Variants in PDE4B observed in about 807,000 individuals in gnomAD.
PDE4B encodes 3',5'-cyclic-AMP phosphodiesterase 4B.
In PDE4B, 20 loss-of-function variants were observed where a neutral mutation model predicts 82.2. The ratio of observed to expected loss-of-function variants is 0.24; its 90% CI spans 0.17 to 0.35. PDE4B has a LOEUF of 0.35. PDE4B is among the 10% of genes least tolerant of loss of function. The pLI is 1.00. For missense variants in PDE4B, 655 were observed against 907.2 expected (o/e 0.72, Z 3.57); for synonymous variants, 320 against 318.9 (o/e 1.00, Z -0.04).
intron 3 of PDE4B, among the ~76,000 whole-genome samples, chr1:66,095,150 C>T (rs1248660035): frequency 6.7e-6 from 1 of 149,446 alleles, no homozygotes; most frequent in Admixed American, 6.6e-5. Context: ...TTAAACTCCA[C>T]TTTGAGAGGT....
intron 3 of PDE4B, among the ~76,000 whole-genome samples, chr1:66,170,760 G>A (rs1258784235): frequency 6.6e-6 from 1 of 152,104 alleles, no homozygotes; most frequent in Non-Finnish European, 1.5e-5. Context: ...GATTAACACA[G>A]CAAAAACATG....
chr1:66,054,534 A>G (rs745661301), intron 3 of PDE4B, among the ~76,000 whole-genome samples: 2 of 151,468 alleles, frequency 1.3e-5, no homozygotes, highest in Non-Finnish European at 3.0e-5. Flanking sequence ...AGTAGATCTC[A>G]TGCTTTCATT....
chr1:66,158,913 A>C (rs1217154927), intron 3 of PDE4B, among the ~76,000 whole-genome samples: 1 of 152,236 alleles, frequency 6.6e-6, no homozygotes, highest in Non-Finnish European at 1.5e-5. Flanking sequence ...AGTAGAGATT[A>C]GAATAGTGGT....
chr1:66,298,940 G>C (rs1240997194), intron 7 of PDE4B, among the ~76,000 whole-genome samples: 1 of 152,026 alleles, frequency 6.6e-6, no homozygotes, highest in African/African-American at 2.4e-5. Flanking sequence ...AAAGGAAAAA[G>C]TTTAGTTGAC....
intron 3 of PDE4B, among the ~76,000 whole-genome samples, chr1:66,086,131 C>T (rs1010958473): frequency 6.8e-4 from 96 of 141,428 alleles, no homozygotes; most frequent in African/African-American, 2.0e-3. Context: ...CTCTCCACTC[C>T]GATGGGAAAA....
At chr1:65,961,075 G>C (rs945037740) in intron 3 of PDE4B, among the ~76,000 whole-genome samples, 1 of 152,136 alleles carries the variant, frequency 6.6e-6, no homozygotes, top group South Asian at 2.1e-4. Flanking sequence ...ACCTTTGCCC[G>C]TGGAGCTTGT....
At chr1:65,937,028 C>G (rs1569748587) in intron 3 of PDE4B, among the ~76,000 whole-genome samples, 1 of 152,156 alleles carries the variant, frequency 6.6e-6, no homozygotes, top group Admixed American at 6.5e-5. Flanking sequence ...AGGCAGGAGT[C>G]TTCTTTCAGG....
intron 3 of PDE4B, among the ~76,000 whole-genome samples, chr1:66,054,382 C>T (rs1557527688): frequency 1.3e-5 from 2 of 151,898 alleles, no homozygotes; most frequent in African/African-American, 2.4e-5. Context: ...TATCCATACA[C>T]CCATGTAACA....
At chr1:66,211,791 G>A (rs985470615) in intron 3 of PDE4B, among the ~76,000 whole-genome samples, 1 of 152,222 alleles carries the variant, frequency 6.6e-6, no homozygotes, top group Non-Finnish European at 1.5e-5. Context: ...GATGTTTTCA[G>A]TGTATCATAG....
chr1:65,842,307 T>G (rs4272595), intron 1 of PDE4B, among the ~76,000 whole-genome samples: 104,521 of 151,944 alleles, frequency 0.69, 36,183 homozygotes, highest in Non-Finnish European at 0.71. Context: ...TTATAGTGTT[T>G]TTATTCAGTA....
At chr1:65,889,348 A>T (rs186767110) in intron 1 of PDE4B, among the ~76,000 whole-genome samples, 4 of 152,054 alleles carry the variant, frequency 2.6e-5, no homozygotes, top group African/African-American at 9.6e-5. Flanking sequence ...TGTTTTGTTG[A>T]GGATTTATGT....
intron 1 of PDE4B, among the ~76,000 whole-genome samples, chr1:65,873,884 T>G (rs958611971): frequency 6.6e-6 from 1 of 152,116 alleles, no homozygotes; most frequent in Non-Finnish European, 1.5e-5. Context: ...GGCTTAGGAT[T>G]GACTTGGTGA....
chr1:65,883,947 G>A, intron 1 of PDE4B, among the ~76,000 whole-genome samples: 1 of 151,990 alleles, frequency 6.6e-6, no homozygotes, highest in Non-Finnish European at 1.5e-5. Flanking sequence ...CTGTTTATAT[G>A]CTGGATTACA....
At chr1:66,178,193 A>T (rs772874090) in intron 3 of PDE4B, among the ~76,000 whole-genome samples, 3 of 152,056 alleles carry the variant, frequency 2.0e-5, no homozygotes, top group Non-Finnish European at 2.9e-5. Context: ...ATAAACAAAA[A>T]TTTATTATAT....
At chr1:66,318,693 A>G (rs187271600) in intron 7 of PDE4B, among the ~76,000 whole-genome samples, 1 of 152,350 alleles carries the variant, frequency 6.6e-6, no homozygotes, top group Non-Finnish European at 1.5e-5. Flanking sequence ...AAAAAGAAAC[A>G]GGTGTAATTA....
At chr1:65,898,271 G>T (rs187141177) in intron 1 of PDE4B, among the ~76,000 whole-genome samples, 2 of 150,984 alleles carry the variant, frequency 1.3e-5, no homozygotes, top group African/African-American at 2.4e-5. Context: ...CTTCCATTTT[G>T]TGGGGTTTCT....
chr1:65,917,411 G>C (rs1037447051), intron 2 of PDE4B, among the ~76,000 whole-genome samples: 2 of 152,194 alleles, frequency 1.3e-5, no homozygotes, highest in Non-Finnish European at 2.9e-5. Context: ...ACTGTAGCCT[G>C]ATGCTAGGAC....
At chr1:65,997,695 G>A (rs1651628576) in intron 3 of PDE4B, among the ~76,000 whole-genome samples, 1 of 152,162 alleles carries the variant, frequency 6.6e-6, no homozygotes, top group Non-Finnish European at 1.5e-5. Context: ...GAACAAAACA[G>A]TTGTTAAGAG....
chr1:66,355,199 A>G (rs865978065), intron 8 of PDE4B: 1 of 361,508 alleles, frequency 2.8e-6, no homozygotes, highest in Non-Finnish European at 4.9e-6. Flanking sequence ...ATTATATTTT[A>G]GAGGTAATTT....
Sources: allele counts gnomAD v4.1 joint callset (sites outside exome capture counted in the v4.1 genomes callset), GRCh38; gene constraint gnomAD v4.1.1; transcripts MANE v1.5; gene names NCBI Gene and HGNC (gene_info 2026-07-23, HGNC 2026-07-21).